The following ANKDD1B variants were observed in gnomAD, a reference collection of about 807,000 sequenced individuals.
ANKDD1B encodes the protein ankyrin repeat and death domain-containing protein 1B.
Under a neutral mutation model 59.7 loss-of-function variants are expected in ANKDD1B, and 57 were observed. The observed-to-expected ratio is 0.95, with a 90% confidence interval of 0.77 to 1.19. ANKDD1B has a LOEUF of 1.19. ANKDD1B is among the 50% of genes most tolerant of loss of function. The probability of loss-of-function intolerance (pLI) is 0.00; values close to 1 mark genes in which losing one functional copy is unlikely to be tolerated. For missense variants in ANKDD1B, 602 were observed against 641.9 expected (o/e 0.94, Z 0.67); for synonymous variants, 216 against 239.5 (o/e 0.90, Z 0.91).
chr5:75,658,688 T>C (rs1389740642), intron 9 of ANKDD1B, among the ~76,000 whole-genome samples: 1 of 152,226 alleles, frequency 6.6e-6, no homozygotes. Flanking sequence ...TTTCATTAAA[T>C]CAAGCTCAAC....
chr5:75,635,775 C>G lies in ANKDD1B; in HGVS notation c.700-9C>G, dbSNP rs1774282379. 1 of 1,516,780 alleles carries G rather than the reference C, an allele frequency of 6.6e-7. No individual in the cohort carries two copies. The allele number at this position is 1,516,780 out of a possible 1,614,324, so 94.0% of individuals were successfully genotyped here. A position where few individuals can be genotyped will look rare whatever the true frequency, so the allele number is the denominator to read the frequency against. On this transcript the variant is annotated splice_polypyrimidine_tract_variant and intron_variant, in intron 6 of 13. Transcript: ENST00000601380. The stretch of plus-strand genomic sequence containing the variant: ...AGGGGTTTCTACGTCGAGTGTGTCT[C>G]TGTTGCAGGGGGGAAACACTGCCTT...
chr5:75,621,492 G>T (rs1159607579), intron 3 of ANKDD1B, among the ~76,000 whole-genome samples: 1 of 151,384 alleles, frequency 6.6e-6, no homozygotes, highest in East Asian at 1.9e-4. Flanking sequence ...TTTAAAATTT[G>T]TGTGGGTATA....
intron 2 of ANKDD1B, among the ~76,000 whole-genome samples, chr5:75,618,510 C>T (rs896700991): frequency 1.3e-5 from 2 of 152,194 alleles, no homozygotes; most frequent in Admixed American, 1.3e-4. Context: ...CTAATGACAT[C>T]TGTTTACTGT....
chr5:75,653,595 A>G (rs1025870574), intron 8 of ANKDD1B, among the ~76,000 whole-genome samples: 1 of 152,204 alleles, frequency 6.6e-6, no homozygotes, highest in Non-Finnish European at 1.5e-5. Flanking sequence ...AAGAAGAGTG[A>G]TAATTTTTCT....
chr5:75,637,223 C>T lies in ANKDD1B; in HGVS notation c.798+1341C>T, dbSNP rs1264473499. ...TCGTACCACTGCACCTGAGCCTGGGCGACAGAGACTCTGTCTCAAAAAAAA... is the reference window on the plus strand; with the variant it reads ...TCGTACCACTGCACCTGAGCCTGGGTGACAGAGACTCTGTCTCAAAAAAAA... On this transcript the variant is annotated intron_variant, in intron 7 of 13. Transcript: ENST00000601380. 3.4e-5 allele frequency among the ~76,000 whole-genome samples: 4 copies of T among 118,898 alleles called. No individual in the cohort carries two copies. The East Asian group carries it at 1.0e-3, about 31-fold the overall frequency. 78.0% of individuals were successfully genotyped at this position (118,898 alleles called of 152,430 possible). A position where few individuals can be genotyped will look rare whatever the true frequency, so the allele number is the denominator to read the frequency against.
intron 7 of ANKDD1B, among the ~76,000 whole-genome samples, chr5:75,637,102 G>A (rs1352429879): frequency 6.6e-6 from 1 of 151,468 alleles, no homozygotes; most frequent in Non-Finnish European, 1.5e-5. Flanking sequence ...AAAATTAGCC[G>A]GGTGTACTGA....
chr5:75,654,483 G>A (rs1774911529), intron 8 of ANKDD1B, among the ~76,000 whole-genome samples: 2 of 152,106 alleles, frequency 1.3e-5, no homozygotes, highest in Admixed American at 1.3e-4. Context: ...AACTGTTAGG[G>A]CAGCCTGGGC....
At chr5:75,667,942 T>G (rs1430168823) in intron 12 of ANKDD1B, among the ~76,000 whole-genome samples, 1 of 152,218 alleles carries the variant, frequency 6.6e-6, no homozygotes, top group Admixed American at 6.5e-5. Flanking sequence ...CATTTTCATG[T>G]GAAAAATAGA....
At chr5:75,668,176 T>G (rs531032796) in intron 12 of ANKDD1B, among the ~76,000 whole-genome samples, 9 of 152,128 alleles carry the variant, frequency 5.9e-5, no homozygotes, top group Non-Finnish European at 1.3e-4. Context: ...TTTTAAAGTG[T>G]TTCGATGGAA....
chr5:75,661,510 A>T (rs139200096), intron 10 of ANKDD1B, among the ~76,000 whole-genome samples: 128 of 151,944 alleles, frequency 8.4e-4, no homozygotes, highest in African/African-American at 3.0e-3. Flanking sequence ...ACTTGTGTGG[A>T]ATTCCACCAC....
intron 1 of ANKDD1B, among the ~76,000 whole-genome samples, chr5:75,612,360 G>GT (rs1561428319): frequency 1.3e-4 from 6 of 46,082 alleles, no homozygotes. Flanking sequence ...TCCGCCCCGC[G>GT]TGTAGGGTCT....
intron 9 of ANKDD1B, among the ~76,000 whole-genome samples, chr5:75,656,657 C>T (rs1054485015): frequency 2.0e-5 from 3 of 152,130 alleles, no homozygotes; most frequent in African/African-American, 7.2e-5. Context: ...ATGGGAATGC[C>T]GCAACGGAAT....
intron 7 of ANKDD1B, among the ~76,000 whole-genome samples, chr5:75,636,926 A>G (rs530744713): frequency 6.6e-6 from 1 of 151,894 alleles, no homozygotes. Flanking sequence ...AGGTGGGTAC[A>G]TTCAGGTGGA....
intron 6 of ANKDD1B, chr5:75,635,442 A>C (rs1439111856): frequency 4.6e-6 from 1 of 215,220 alleles, no homozygotes; most frequent in Non-Finnish European, 9.1e-6. Context: ...TTGAGTATAC[A>C]ATATTGCTAA....
chr5:75,668,658 A>G (rs1367755578), intron 12 of ANKDD1B, among the ~76,000 whole-genome samples: 1 of 152,168 alleles, frequency 6.6e-6, no homozygotes, highest in Non-Finnish European at 1.5e-5. Flanking sequence ...GTGGCTCCCT[A>G]TCCCGGTACT....
At chr5:75,659,529 C>A in intron 10 of ANKDD1B, 148 bp downstream of exon 10, 1 of 625,056 alleles carries the variant, frequency 1.6e-6, no homozygotes, top group Non-Finnish European at 2.8e-6. Context: ...AGTAAAATAC[C>A]CCAATTTTGG....
At chr5:75,629,005 T>G (rs181497191) in intron 5 of ANKDD1B, among the ~76,000 whole-genome samples, 7 of 152,252 alleles carry the variant, frequency 4.6e-5, no homozygotes, top group Non-Finnish European at 8.8e-5. Flanking sequence ...CAATGTTGGG[T>G]TGGTTTCAGC....
intron 5 of ANKDD1B, among the ~76,000 whole-genome samples, chr5:75,632,400 G>A (rs2112975049): frequency 6.6e-6 from 1 of 152,296 alleles, no homozygotes; most frequent in East Asian, 1.9e-4. Flanking sequence ...CTTAGGCAGG[G>A]TCTTCTTATC....
intron 8 of ANKDD1B, among the ~76,000 whole-genome samples, chr5:75,654,645 C>T (rs1774918093): frequency 6.6e-6 from 1 of 151,860 alleles, no homozygotes; most frequent in Non-Finnish European, 1.5e-5. Flanking sequence ...ACTCCATTGC[C>T]CTCTAGCCTG....
Sources: gnomAD v4.1 joint callset for allele counts (sites outside exome capture counted in the v4.1 genomes callset) on GRCh38, gnomAD v4.1.1 for gene constraint, MANE v1.5 for transcripts, NCBI Gene and HGNC (gene_info 2026-07-23, HGNC 2026-07-21) for gene names.